The following NLGN1 variants were observed in gnomAD, a reference collection of about 807,000 sequenced individuals.
NLGN1 encodes neuroligin 1, also known as neuroligin-1.
In NLGN1, 12 loss-of-function variants were observed where a neutral mutation model predicts 65.5. The observed-to-expected ratio is 0.18, with a 90% CI of 0.12 to 0.30. The LOEUF (loss-of-function observed/expected upper bound fraction) is 0.30. Ranked by LOEUF, NLGN1 falls within the 10% of genes least tolerant of loss-of-function variation. NLGN1 has a pLI of 1.00. For missense variants in NLGN1, 750 were observed against 1,007.1 expected (o/e 0.74, Z 3.46); for synonymous variants, 350 against 359.5 (o/e 0.97, Z 0.30).
chr3:173,430,264 A>C (rs1716937761), intron 1 of NLGN1, among the ~76,000 whole-genome samples: 1 of 152,034 alleles, frequency 6.6e-6, no homozygotes, highest in African/African-American at 2.4e-5. Context: ...TCACATCCTC[A>C]GTTTTTAGTT....
chr3:173,795,272 A>G (rs976215982), intron 3 of NLGN1, among the ~76,000 whole-genome samples: 2 of 151,934 alleles, frequency 1.3e-5, no homozygotes, highest in African/African-American at 4.8e-5. Flanking sequence ...CCAATATCTC[A>G]TTGGAGTGGC....
At chr3:173,905,957 A>G (rs183311756) in intron 4 of NLGN1, among the ~76,000 whole-genome samples, 8 of 152,344 alleles carry the variant, frequency 5.3e-5, no homozygotes, top group Admixed American at 1.3e-4. Flanking sequence ...CAGAATGTAG[A>G]ATTAAAGAAC....
At chr3:173,487,730 A>G (rs1487491819) in intron 2 of NLGN1, among the ~76,000 whole-genome samples, 1 of 152,004 alleles carries the variant, frequency 6.6e-6, no homozygotes, top group African/African-American at 2.4e-5. Context: ...TTTTTGCCAT[A>G]AAGTGTATTT....
intron 2 of NLGN1, among the ~76,000 whole-genome samples, chr3:173,580,415 T>A (rs1746208177): frequency 6.6e-6 from 1 of 152,078 alleles, no homozygotes; most frequent in Non-Finnish European, 1.5e-5. Flanking sequence ...ATACTAATTT[T>A]TACTTTCCTC....
chr3:173,507,676 A>AGTGTGT (rs143327016), intron 2 of NLGN1, among the ~76,000 whole-genome samples: 5 of 151,148 alleles, frequency 3.3e-5, no homozygotes, highest in African/African-American at 9.7e-5. Context: ...TTTCCCAAAT[A>AGTGTGT]GTGTGTGTGT....
intron 3 of NLGN1, among the ~76,000 whole-genome samples, chr3:173,685,310 T>A (rs931069079): frequency 3.9e-5 from 6 of 152,330 alleles, no homozygotes; most frequent in Admixed American, 3.9e-4. Context: ...ATTCAAATCA[T>A]TCTTTATGTA....
rs35410365 is a variant in NLGN1 at position 173,847,558 on chromosome 3, A to G, written c.646+39726A>G. On this transcript the variant is annotated intron_variant, in intron 4 of 6. Coordinates refer to ENST00000457714, the Ensembl canonical transcript of NLGN1. ...AAAGCTGTATTCTATTATTTTACAC[A>G]CTTAAAAATTTGTTTTCATTATCAG... Among the ~76,000 whole-genome samples, 525 of 152,264 alleles carry G rather than the reference A, an allele frequency of 3.4e-3. 1 individual carries two copies. Among genetic ancestry groups the G allele is most frequent in the Middle Eastern group, 6.8e-3 (2 of 294 alleles).
intron 2 of NLGN1, among the ~76,000 whole-genome samples, chr3:173,495,679 T>TG (rs1553867019): frequency 3.1e-5 from 1 of 32,702 alleles, no homozygotes; most frequent in African/African-American, 7.5e-5. Flanking sequence ...GAGTCTTTTT[T>TG]GAAAAAAAAA....
rs556573230 is a variant in NLGN1 at position 173,794,852 on chromosome 3, A to C, written c.494-12828A>C. Among the ~76,000 whole-genome samples the C allele has an allele frequency of 3.3e-5, 5 of 152,246 alleles. No homozygotes were observed. In the East Asian group the frequency reaches 9.7e-4, roughly 29 times the overall value. The stretch of plus-strand genomic sequence containing the variant: ...TTTGACATCAAAGTGTTATGTAATC[A>C]AGGTAATTTATGGTGAAAAACTATT... On this transcript the variant is annotated intron_variant, in intron 3 of 6. Coordinates refer to ENST00000457714, the Ensembl canonical transcript of NLGN1.
chr3:173,539,749 TATA>T (rs1560407212), intron 2 of NLGN1, among the ~76,000 whole-genome samples: 2 of 143,246 alleles, frequency 1.4e-5, no homozygotes, highest in East Asian at 2.0e-4. Flanking sequence ...TATGTACATA[TATA>T]ACATATACAT....
intron 2 of NLGN1, among the ~76,000 whole-genome samples, chr3:173,549,440 T>C (rs966150168): frequency 1.3e-5 from 2 of 152,034 alleles, no homozygotes; most frequent in African/African-American, 2.4e-5. Flanking sequence ...ATTTCACATT[T>C]TGATTAAACA....
At chr3:174,123,680 C>T (rs189075736) in intron 4 of NLGN1, among the ~76,000 whole-genome samples, 13 of 152,142 alleles carry the variant, frequency 8.5e-5, no homozygotes, top group Admixed American at 3.3e-4. Context: ...ATATCATAGC[C>T]GGCACCCATT....
chr3:173,474,442 G>A (rs73038157), intron 2 of NLGN1, among the ~76,000 whole-genome samples: 4,627 of 151,966 alleles, frequency 0.03, 227 homozygotes, highest in African/African-American at 0.1. Context: ...ATATCTATAT[G>A]TGTGTGTGTG....
intron 1 of NLGN1, among the ~76,000 whole-genome samples, chr3:173,426,864 C>G (rs568542851): frequency 6.6e-6 from 1 of 152,072 alleles, no homozygotes; most frequent in East Asian, 1.9e-4. Flanking sequence ...AGAGTTCTTT[C>G]CTCTTCAAAT....
intron 4 of NLGN1, among the ~76,000 whole-genome samples, chr3:174,272,875 AC>A (rs1159374261): frequency 2.0e-5 from 3 of 151,628 alleles, no homozygotes; most frequent in Non-Finnish European, 4.4e-5. Context: ...GATTTACTCT[AC>A]TTTCTATGCT....
At chr3:174,062,849 T>C (rs973548929) in intron 4 of NLGN1, among the ~76,000 whole-genome samples, 1 of 152,090 alleles carries the variant, frequency 6.6e-6, no homozygotes, top group Non-Finnish European at 1.5e-5. Flanking sequence ...AACAGTGATT[T>C]AAATATAATA....
chr3:174,066,219 AG>A (rs1738513055), intron 4 of NLGN1, among the ~76,000 whole-genome samples: 1 of 152,136 alleles, frequency 6.6e-6, no homozygotes, highest in Non-Finnish European at 1.5e-5. Context: ...AAATTTTCAG[AG>A]GAAGTTTATT....
At chr3:174,276,540 G>C (rs1750623891) in intron 5 of NLGN1, among the ~76,000 whole-genome samples, 1 of 151,820 alleles carries the variant, frequency 6.6e-6, no homozygotes, top group African/African-American at 2.4e-5. Context: ...AATTCATGAA[G>C]TGTTTTAATT....
intron 4 of NLGN1, among the ~76,000 whole-genome samples, chr3:173,991,874 G>A (rs1215357114): frequency 3.3e-5 from 5 of 151,954 alleles, no homozygotes; most frequent in South Asian, 4.2e-4. Flanking sequence ...GTGCAATGGC[G>A]CGATCTTGGC....
Sources: allele counts gnomAD v4.1 joint callset (sites outside exome capture counted in the v4.1 genomes callset), GRCh38; gene constraint gnomAD v4.1.1; transcripts MANE v1.5; gene names NCBI Gene and HGNC (gene_info 2026-07-23, HGNC 2026-07-21).